NAALADL2: variants seen among roughly 807,000 people sequenced by gnomAD.
NAALADL2 encodes the protein inactive N-acetylated-alpha-linked acidic dipeptidase-like protein 2.
Under a neutral mutation model 87.2 loss-of-function variants are expected in NAALADL2, and 76 were observed. That is an observed-to-expected ratio of 0.87 (90% CI 0.72 to 1.05). The LOEUF (loss-of-function observed/expected upper bound fraction) is 1.05, where lower values mean the gene tolerates loss of function less well. Among genes scored for constraint, NAALADL2 ranks in the 50% least tolerant of loss-of-function variants. The pLI is 0.00. For synonymous variants in NAALADL2, 354 were observed against 331.0 expected, an observed-to-expected ratio of 1.07 and a Z score of -0.75; for missense variants, 1,089 against 945.8, an observed-to-expected ratio of 1.15 and a Z score of -1.99.
At chr3:174,714,581 C>G (rs1283646269) in intron 2 of NAALADL2, among the ~76,000 whole-genome samples, 1 of 152,130 alleles carries the variant, frequency 6.6e-6, no homozygotes, top group African/African-American at 2.4e-5. Flanking sequence ...TGGGAGTTCA[C>G]TCATGATTTG....
intron 2 of NAALADL2, among the ~76,000 whole-genome samples, chr3:174,651,360 C>T (rs1724342999): frequency 6.6e-6 from 1 of 152,094 alleles, no homozygotes; most frequent in African/African-American, 2.4e-5. Context: ...GAGGACCAAA[C>T]AAAACTTGGA....
chr3:174,658,832 A>G (rs1486254238), intron 2 of NAALADL2, among the ~76,000 whole-genome samples: 2 of 152,190 alleles, frequency 1.3e-5, no homozygotes, highest in African/African-American at 2.4e-5. Flanking sequence ...TGCATCTGCA[A>G]CTAATGGTAT....
intron 3 of NAALADL2, among the ~76,000 whole-genome samples, chr3:174,834,364 A>G (rs1723086247): frequency 6.8e-6 from 1 of 146,108 alleles, no homozygotes; most frequent in Admixed American, 6.7e-5. Flanking sequence ...TAAGGGTAAA[A>G]ACTGAATGCT....
chr3:175,038,100 GT>G (rs975936495), intron 1 of NAALADL2, among the ~76,000 whole-genome samples: 19 of 151,956 alleles, frequency 1.3e-4, no homozygotes, highest in Non-Finnish European at 1.6e-4. Flanking sequence ...GAGCCTAGAT[GT>G]TTTTTTCTTA....
At chr3:175,165,820 C>G (rs761329976) in intron 2 of NAALADL2, among the ~76,000 whole-genome samples, 1 of 152,058 alleles carries the variant, frequency 6.6e-6, no homozygotes, top group African/African-American at 2.4e-5. Context: ...AGAGACACCT[C>G]GGATTCCAGG....
At chr3:175,001,997 T>G (rs1256152951) in intron 1 of NAALADL2, among the ~76,000 whole-genome samples, 1 of 152,122 alleles carries the variant, frequency 6.6e-6, no homozygotes, top group Non-Finnish European at 1.5e-5. Flanking sequence ...CACTTAAATT[T>G]CCCTATGCAA....
rs556294108 is a variant in NAALADL2, at chr3:174,924,329, G to A, written c.43+64879G>A. On this transcript the variant is annotated intron_variant, in intron 1 of 13. Transcript: ENST00000454872. ...ATGTGGTGTTTGGTTTTTTGTCCCT[G>A]TGATAGTTTGCTGAGAATGATGGTT... Among the ~76,000 whole-genome samples the A allele has an allele frequency of 2.0e-5, 3 of 150,850 alleles. No individual in the cohort carries two copies. In the South Asian group the frequency reaches 6.3e-4, roughly 32 times the overall value.
chr3:175,442,998 G>T (rs1008097561), intron 5 of NAALADL2, among the ~76,000 whole-genome samples: 1 of 152,094 alleles, frequency 6.6e-6, no homozygotes, highest in Non-Finnish European at 1.5e-5. Flanking sequence ...AATAGTACAT[G>T]TGTTTAGCTT....
intron 2 of NAALADL2, among the ~76,000 whole-genome samples, chr3:175,158,640 C>T (rs1732684529): frequency 6.6e-6 from 1 of 152,006 alleles, no homozygotes; most frequent in Non-Finnish European, 1.5e-5. Context: ...AAGCAAATCA[C>T]ACTATTTTAA....
intron 2 of NAALADL2, among the ~76,000 whole-genome samples, chr3:174,689,997 C>G (rs1306470481): frequency 6.6e-6 from 1 of 151,576 alleles, no homozygotes; most frequent in African/African-American, 2.4e-5. Flanking sequence ...TGAGTCTAAC[C>G]TTTATCTTCA....
chr3:175,709,075 C>T (rs1740154988), intron 11 of NAALADL2, among the ~76,000 whole-genome samples: 1 of 151,800 alleles, frequency 6.6e-6, no homozygotes. Context: ...TTCAAGGGGA[C>T]TCTATCAAGG....
intron 5 of NAALADL2, among the ~76,000 whole-genome samples, chr3:175,340,045 A>G (rs970262218): frequency 1.5e-4 from 23 of 152,156 alleles, no homozygotes; most frequent in African/African-American, 4.3e-4. Context: ...TATGATATTC[A>G]CTGTTACTAC....
At chr3:174,552,457 CAAAT>C (rs1363090379) in intron 2 of NAALADL2, among the ~76,000 whole-genome samples, 1 of 152,050 alleles carries the variant, frequency 6.6e-6, no homozygotes, top group Non-Finnish European at 1.5e-5. Context: ...GTTAGATTGA[CAAAT>C]AAATTCCTAG....
chr3:175,494,280 A>T (rs1032117123), intron 9 of NAALADL2, among the ~76,000 whole-genome samples: 2 of 152,162 alleles, frequency 1.3e-5, no homozygotes, highest in African/African-American at 4.8e-5. Flanking sequence ...TGAAGCATTT[A>T]AACCATTTTA....
intron 11 of NAALADL2, among the ~76,000 whole-genome samples, chr3:175,732,473 ACTAT>A (rs1479136094): frequency 1.3e-5 from 2 of 152,304 alleles, no homozygotes; most frequent in East Asian, 3.9e-4. Flanking sequence ...TAGAGGCGAC[ACTAT>A]CTGTTTGGAA....
intron 11 of NAALADL2, among the ~76,000 whole-genome samples, chr3:175,667,231 GAAAGAAAGAAAAAGAAAGAAAGAAAGA>G (rs1733247390): frequency 3.7e-4 from 43 of 116,796 alleles, no homozygotes; most frequent in African/African-American, 1.8e-3. Flanking sequence ...AAGAAAGAAA[GAAAGAAAGAAAAAGAAAGAAAGAAAGA>G]AAGAAAGGAA....
intron 2 of NAALADL2, among the ~76,000 whole-genome samples, chr3:174,715,226 T>C (rs565829820): frequency 5.3e-5 from 8 of 152,316 alleles, no homozygotes; most frequent in African/African-American, 1.9e-4. Context: ...CAACTATTTT[T>C]TTAGGCTAGT....
intron 1 of NAALADL2, among the ~76,000 whole-genome samples, chr3:175,056,556 G>A (rs1712224018): frequency 6.6e-6 from 1 of 152,116 alleles, no homozygotes; most frequent in African/African-American, 2.4e-5. Context: ...AGTGCTAGAG[G>A]AATTAAAGAC....
chr3:174,605,745 A>G lies in NAALADL2; in HGVS notation c.-115+55108A>G, dbSNP rs1718971506. ...CTCCACCTCTGGGGGCAGGGCACAG[A>G]CAAAAAAAAAAGGACAGCAGTAACC... On this transcript the variant is annotated intron_variant, in intron 2 of 3. Coordinates refer to the NAALADL2 transcript ENST00000434257. 2.6e-5 allele frequency among the ~76,000 whole-genome samples: 4 copies of G among 152,088 alleles called. No homozygotes were observed. The South Asian group carries it at 8.3e-4, about 32-fold the overall frequency.
Sources: gnomAD v4.1 joint callset for allele counts (sites outside exome capture counted in the v4.1 genomes callset) on GRCh38, gnomAD v4.1.1 for gene constraint, MANE v1.5 for transcripts, NCBI Gene and HGNC (gene_info 2026-07-23, HGNC 2026-07-21) for gene names.